The following KIF16B variants were observed in gnomAD, a reference collection of about 807,000 sequenced individuals.
KIF16B encodes the protein kinesin family member 16B.
In KIF16B, 98 loss-of-function variants were observed where a neutral mutation model predicts 156.3. That is an observed-to-expected ratio of 0.63 (90% CI 0.53 to 0.74). KIF16B has a LOEUF of 0.74. Ranked by LOEUF, KIF16B falls within the 30% of genes least tolerant of loss-of-function variation. The probability of loss-of-function intolerance (pLI) is 0.00; values close to 1 mark genes in which losing one functional copy is unlikely to be tolerated. For missense variants in KIF16B, 1,421 were observed against 1,606.5 expected, an observed-to-expected ratio of 0.88 and a Z score of 1.97; for synonymous variants, 564 against 583.7, an observed-to-expected ratio of 0.97 and a Z score of 0.49.
chr20:16,273,947 C>T (rs1330220799), intron 25 of KIF16B, among the ~76,000 whole-genome samples: 1 of 152,058 alleles, frequency 6.6e-6, no homozygotes, highest in Admixed American at 6.6e-5. Flanking sequence ...GCAGACAATG[C>T]CTAGGAAAAT....
chr20:16,301,002 C>T (rs563571532), intron 25 of KIF16B, among the ~76,000 whole-genome samples: 2 of 152,312 alleles, frequency 1.3e-5, no homozygotes, highest in South Asian at 4.1e-4. Flanking sequence ...TCTCCCCTCC[C>T]TCAAATCCCT....
chr20:16,440,051 G>A (rs1488544091), intron 12 of KIF16B, among the ~76,000 whole-genome samples: 2 of 152,052 alleles, frequency 1.3e-5, no homozygotes, highest in African/African-American at 4.8e-5. Flanking sequence ...CACTCCACCT[G>A]GCTTACTGTC....
intron 22 of KIF16B, among the ~76,000 whole-genome samples, chr20:16,366,436 TG>T (rs2123244982): frequency 6.6e-6 from 1 of 152,190 alleles, no homozygotes; most frequent in African/African-American, 2.4e-5. Context: ...GAGAAAGAAC[TG>T]GAATATGGTG....
At chr20:16,531,587 A>G (rs544055782) in intron 1 of KIF16B, among the ~76,000 whole-genome samples, 1 of 152,302 alleles carries the variant, frequency 6.6e-6, no homozygotes, top group South Asian at 2.1e-4. Flanking sequence ...CCTATAGGGA[A>G]CCAGCAGGAA....
Position 16,532,068 on chromosome 20 carries a change from C to CAAA in KIF16B, c.48-3631_48-3629dup, listed in dbSNP as rs34843252. Among the ~76,000 whole-genome samples the CAAA allele has an allele frequency of 3.3e-3, 330 of 99,272 alleles. 5 individuals carry two copies. Among genetic ancestry groups the CAAA allele is most frequent in the Non-Finnish European group, 5.4e-3 (260 of 48,350 alleles). 65.1% of individuals were successfully genotyped at this position (99,272 alleles called of 152,430 possible). A position where few individuals can be genotyped will look rare whatever the true frequency, so the allele number is the denominator to read the frequency against. On this transcript the variant is annotated intron_variant, in intron 1 of 25. Coordinates refer to ENST00000354981, the MANE Select transcript of KIF16B (RefSeq NM_024704.5). ...GGACGACAAGAGCAAAACTCCGTCT[C>CAAA]AAAAAAAAAAAAAAAAAAATTATAA...
chr20:16,529,303 T>G (rs1318225662), intron 1 of KIF16B, among the ~76,000 whole-genome samples: 2 of 152,070 alleles, frequency 1.3e-5, no homozygotes, highest in Non-Finnish European at 2.9e-5. Context: ...TAAAAATGAT[T>G]TATGCAAAAA....
In KIF16B at chr20:16,312,399, G is replaced by C; in HGVS notation, c.3731C>G (p.Pro1244Arg). The C allele has an allele frequency of 6.2e-7, 1 of 1,612,918 alleles. No homozygotes were observed. The highest frequency in any genetic ancestry group is 8.5e-7 in the Non-Finnish European group (1 of 1,179,256). ...CTTATTTCCAAATAGTTTCTTTGGA[G>C]GAAATTCAAGGGCAGCAAGCTGAAA... ...KYAELAALEF[P>R]PKKLFGNKDE... The change falls in exon 25 of 26, where the codon CCT becomes CGT. Residue 1244 changes from proline to arginine, a missense_variant. Pro to Arg is a moderately radical substitution (Grantham distance 103, BLOSUM62 -2). Coordinates refer to ENST00000354981, the MANE Select transcript of KIF16B (RefSeq NM_024704.5).
rs1048424895 is a variant in KIF16B at position 16,535,407 on chromosome 20, T to A, written c.48-6967A>T. On this transcript the variant is annotated intron_variant, in intron 1 of 25. Coordinates refer to ENST00000354981, the MANE Select transcript of KIF16B (RefSeq NM_024704.5). ...GTTTTTAGGTGAAGTCTTTGGTTTTTCTAAATATAAGATCATGTCATCTGC... is the reference window on the plus strand; with the variant it reads ...GTTTTTAGGTGAAGTCTTTGGTTTTACTAAATATAAGATCATGTCATCTGC... 4.4e-4 allele frequency among the ~76,000 whole-genome samples: 67 copies of A among 152,326 alleles called. 1 individual carries two copies. The highest frequency in any genetic ancestry group is 1.6e-3 in the African/African-American group (66 of 41,576).
chr20:16,506,221 A>T (rs761143308), intron 7 of KIF16B, 31 bp from the exon 8 acceptor site: 5 of 1,574,044 alleles, frequency 3.2e-6, no homozygotes, highest in Non-Finnish European at 4.4e-6. Flanking sequence ...AAAATTGAAG[A>T]GGTGCAAAGG....
chr20:16,445,226 G>T (rs936403263), intron 12 of KIF16B, among the ~76,000 whole-genome samples: 4 of 149,412 alleles, frequency 2.7e-5, no homozygotes, highest in African/African-American at 7.4e-5. Flanking sequence ...GAAAAAAAAA[G>T]AATACATGAG....
chr20:16,276,431 G>C (rs1026974172), intron 25 of KIF16B, among the ~76,000 whole-genome samples: 4 of 152,186 alleles, frequency 2.6e-5, no homozygotes, highest in African/African-American at 9.7e-5. Context: ...ACTCCAGATA[G>C]AATGATCTGA....
Position 16,573,233 on chromosome 20 carries a change from G to A in KIF16B, c.43C>T (p.Arg15Cys). 2 of 1,599,006 alleles carry A rather than the reference G, an allele frequency of 1.3e-6. No individual in the cohort carries two copies. Among genetic ancestry groups the A allele is most frequent in the Non-Finnish European group, 1.7e-6 (2 of 1,174,004 alleles). The change falls in exon 1 of 26, where the codon CGC becomes TGC. Residue 15 changes from arginine (R) to cysteine (C), a missense_variant. Physicochemically the swap from Arg to Cys is radical, Grantham distance 180. Coordinates refer to ENST00000354981, the MANE Select transcript of KIF16B (RefSeq NM_024704.5). ...KVAVRVRPMN[R>C]REKDLEAKFI... is the part of the protein sequence containing the mutation. Reference sequence around the variant, plus strand: ...GGCGCGGGCGGCCCCACTCACCTGCGATTCATGGGCCGGACCCTCACGGCC... The same window carrying A: ...GGCGCGGGCGGCCCCACTCACCTGCAATTCATGGGCCGGACCCTCACGGCC...
At chr20:16,274,587 G>A (rs970620233) in intron 25 of KIF16B, among the ~76,000 whole-genome samples, 5 of 152,222 alleles carry the variant, frequency 3.3e-5, no homozygotes, top group Non-Finnish European at 7.3e-5. Flanking sequence ...CACAGTCTTA[G>A]GAATTACACA....
At chr20:16,390,519 G>C (rs752353755) in intron 17 of KIF16B, among the ~76,000 whole-genome samples, 1 of 152,000 alleles carries the variant, frequency 6.6e-6, no homozygotes, top group Non-Finnish European at 1.5e-5. Context: ...CTATTTTACA[G>C]GCCAGAAGAA....
chr20:16,432,815 C>T (rs1405853108), intron 12 of KIF16B, among the ~76,000 whole-genome samples: 3 of 152,072 alleles, frequency 2.0e-5, no homozygotes, highest in African/African-American at 7.2e-5. Flanking sequence ...AATTTAACAA[C>T]CATTAAATAG....
intron 12 of KIF16B, among the ~76,000 whole-genome samples, chr20:16,456,577 AAG>A (rs903909871): frequency 6.6e-6 from 1 of 152,196 alleles, no homozygotes; most frequent in African/African-American, 2.4e-5. Flanking sequence ...TAGGCACTAA[AAG>A]AGATCGCTAA....
intron 4 of KIF16B, among the ~76,000 whole-genome samples, chr20:16,514,274 G>C (rs6044044): frequency 6.6e-6 from 1 of 151,848 alleles, no homozygotes; most frequent in South Asian, 2.1e-4. Context: ...TGAAACTCTC[G>C]AAATTAGCTG....
intron 12 of KIF16B, among the ~76,000 whole-genome samples, chr20:16,484,388 T>C (rs1475634188): frequency 6.6e-6 from 1 of 152,226 alleles, no homozygotes; most frequent in Non-Finnish European, 1.5e-5. Flanking sequence ...CCCCTGTTAA[T>C]TATCAAGTCC....
At chr20:16,411,758 TA>T (rs112921520) in intron 15 of KIF16B, among the ~76,000 whole-genome samples, 5,254 of 152,090 alleles carry the variant, frequency 0.035, 235 homozygotes, top group African/African-American at 0.1. Context: ...TGAAGGGGAC[TA>T]GGGGGGCCTC....
Sources: allele counts gnomAD v4.1 joint callset (sites outside exome capture counted in the v4.1 genomes callset), GRCh38; gene constraint gnomAD v4.1.1; transcripts MANE v1.5; gene names NCBI Gene and HGNC (gene_info 2026-07-23, HGNC 2026-07-21).